Variants in CMTR1 observed in about 807,000 individuals in gnomAD.
CMTR1 encodes cap methyltransferase 1, also known as cap-specific mRNA (nucleoside-2'-O-)-methyltransferase 1.
CMTR1 carries 39 observed loss-of-function variants against 107.0 expected under a neutral mutation model. The ratio of observed to expected loss-of-function variants is 0.36; its 90% CI spans 0.28 to 0.48. The LOEUF is 0.48. CMTR1 is among the 20% of genes least tolerant of loss of function. The pLI is 0.99. For missense variants in CMTR1, 672 were observed against 1,064.9 expected, an observed-to-expected ratio of 0.63 and a Z score of 5.14; for synonymous variants, 366 against 379.5, an observed-to-expected ratio of 0.96 and a Z score of 0.41.
At chr6:37,425,309 T>TC in the CMTR1 span, among the ~76,000 whole-genome samples, 11 of 149,828 alleles carry the variant, frequency 7.3e-5, no homozygotes, top group Non-Finnish European at 1.0e-4. Context: ...CTTTTTTTTT[T>TC]TCCCCGAGAC....
At chr6:37,475,282 A>G (rs767591413) in intron 18 of CMTR1, 39 bp from the exon 19 acceptor site, 3 of 1,539,350 alleles carry the variant, frequency 1.9e-6, no homozygotes, top group Non-Finnish European at 2.7e-6. Context: ...GAAGGCTGAC[A>G]CCTGGCAGAG....
intron 2 of CMTR1, among the ~76,000 whole-genome samples, chr6:37,441,704 G>T (rs1227381889): frequency 6.6e-6 from 1 of 152,184 alleles, no homozygotes; most frequent in Non-Finnish European, 1.5e-5. Context: ...GAGCTACCGT[G>T]CCTGGACCTT....
chr6:37,476,601 C>A (rs1761742591), intron 20 of CMTR1, among the ~76,000 whole-genome samples: 2 of 141,846 alleles, frequency 1.4e-5, no homozygotes, highest in African/African-American at 5.5e-5. Context: ...GGGAATGGGA[C>A]CCCCAGTGCT....
At chr6:37,440,952 C>T (rs927299160) in intron 2 of CMTR1, among the ~76,000 whole-genome samples, 6 of 152,142 alleles carry the variant, frequency 3.9e-5, no homozygotes, top group African/African-American at 1.2e-4. Flanking sequence ...AGAAGGATAC[C>T]GGGTTTTCAG....
At chr6:37,466,843 A>G (rs1044718827) in intron 13 of CMTR1, among the ~76,000 whole-genome samples, 1 of 152,094 alleles carries the variant, frequency 6.6e-6, no homozygotes, top group Non-Finnish European at 1.5e-5. Flanking sequence ...ACGTGTATAT[A>G]TATATAATTT....
At chr6:37,432,724 T>C (rs1337604220), upstream of CMTR1, among the ~76,000 whole-genome samples, 1 of 152,190 alleles carries the variant, frequency 6.6e-6, no homozygotes, top group African/African-American at 2.4e-5. Flanking sequence ...TTTGGCCATA[T>C]TGGCCTGAAA....
chr6:37,466,333 G>A (rs1332709932), intron 13 of CMTR1, among the ~76,000 whole-genome samples: 1 of 151,872 alleles, frequency 6.6e-6, no homozygotes, highest in East Asian at 1.9e-4. Flanking sequence ...GGATGGTCTC[G>A]ATCTCTTGGC....
chr6:37,459,431 G>C, intron 9 of CMTR1, 135 bp from the exon 10 acceptor site: 2 of 726,340 alleles, frequency 2.8e-6, no homozygotes, highest in Non-Finnish European at 5.0e-6. Flanking sequence ...GTCCATCACT[G>C]TAAGGGAGCC....
Position 37,475,411 on chromosome 6 carries a change from C to T in CMTR1, c.2035C>T (p.Arg679Ter), listed in dbSNP as rs756816742. Residue 679 changes from arginine (R) to a stop codon, truncating the protein, a stop_gained and splice_region_variant, in exon 19 of 24, where the codon CGA becomes TGA. Transcript: ENST00000373451. LOFTEE classifies it high-confidence loss of function. ...CGTTCGGGAGCAGCACTTTAACCAG[C>T]GGTCTGACCTGGGCCCCAGGGTAGG... is the stretch of plus-strand genomic sequence containing the variant. ...TDVREQHFNQ[R>*]IQLAEKFVKA... The T allele has an allele frequency of 5.8e-6, 8 of 1,379,940 alleles. No individual in the cohort carries two copies. Among genetic ancestry groups the T allele is most frequent in the East Asian group, 3.0e-5 (1 of 33,684 alleles). 85.5% of individuals were successfully genotyped at this position (1,379,940 alleles called of 1,614,324 possible). A position where few individuals can be genotyped will look rare whatever the true frequency, so the allele number is the denominator to read the frequency against.
At position 37,446,403 on chromosome 6, in the gene CMTR1, G is replaced by A. The variant is rs748538599; in HGVS notation, c.398G>A (p.Arg133Gln). The part of the protein sequence containing the change: ...KGRRGLGLTL[R>Q]GFDQELNVDW... ...CGAAGAGGCTTGGGTCTGACACTCC[G>A]GGGCTTTGACCAGGAGCTGAACGTG... Residue 133 changes from arginine (R) to glutamine (Q), a missense_variant, in exon 4 of 24, where the codon CGG (arginine) becomes CAG (glutamine). By Grantham distance (43) the Arg-to-Gln change is conservative (BLOSUM62 1). Around this residue, in one of 2 missense-constraint regions of CMTR1, gnomAD observed 583 missense variants for 968.4 expected, o/e 0.60. Transcript: ENST00000373451. 1.1e-5 allele frequency: 17 copies of A among 1,613,976 alleles called. No homozygotes were observed. The highest frequency in any genetic ancestry group is 8.3e-5 in the Admixed American group (5 of 60,002).
intron 20 of CMTR1, among the ~76,000 whole-genome samples, chr6:37,477,147 T>C (rs777379868): frequency 2.0e-5 from 3 of 152,196 alleles, no homozygotes; most frequent in Non-Finnish European, 2.9e-5. Context: ...CTGTGGGTAA[T>C]AGGACTATTA....
intron 20 of CMTR1, among the ~76,000 whole-genome samples, chr6:37,476,892 A>T (rs1561793976): frequency 6.6e-6 from 1 of 152,234 alleles, no homozygotes; most frequent in African/African-American, 2.4e-5. Context: ...AGTATTGAGA[A>T]TGCACTTTAT....
chr6:37,462,470 A>C (rs1226757635), intron 12 of CMTR1, among the ~76,000 whole-genome samples: 2 of 152,184 alleles, frequency 1.3e-5, no homozygotes, highest in Non-Finnish European at 2.9e-5. Context: ...GGTGAGAGAA[A>C]ATGCAACCAA....
chr6:37,478,279 T>C (rs935959410), intron 21 of CMTR1, 130 bp from the exon 22 acceptor site: 1 of 716,638 alleles, frequency 1.4e-6, no homozygotes, highest in Admixed American at 2.2e-5. Context: ...CACTCGGCTG[T>C]GTGCCTCAGT....
At chr6:37,477,535 C>G in intron 20 of CMTR1, 57 bp from the exon 21 acceptor site, 2 of 1,533,286 alleles carry the variant, frequency 1.3e-6, no homozygotes, top group South Asian at 2.2e-5. Context: ...CAGCTGCCTC[C>G]TGGATGAGAA....
chr6:37,428,979 A>G (rs932891536), upstream of CMTR1, among the ~76,000 whole-genome samples: 14 of 152,176 alleles, frequency 9.2e-5, no homozygotes, highest in Non-Finnish European at 2.1e-4. Context: ...TATTTCTTCA[A>G]ATATTTTTTA....
Position 37,459,887 on chromosome 6 carries a change from G to A in CMTR1, c.1095+203G>A, listed in dbSNP as rs185312179. On this transcript the variant is annotated intron_variant, in intron 10 of 23. Transcript: ENST00000373451. ...ACTGATGTTGTGGATACCTTTGCCT[G>A]GAGCAGGGTGATCTTGGTGTTGCTC... Among the ~76,000 whole-genome samples the A allele has an allele frequency of 4.8e-3, 725 of 152,248 alleles. 4 individuals are homozygous for A. The highest frequency in any genetic ancestry group is 7.2e-3 in the Admixed American group (110 of 15,292).
intron 2 of CMTR1, among the ~76,000 whole-genome samples, chr6:37,443,192 C>T (rs1294096716): frequency 6.6e-6 from 1 of 152,070 alleles, no homozygotes; most frequent in African/African-American, 2.4e-5. Context: ...CTTCCAAAAG[C>T]TCTTTTTGCA....
chr6:37,460,581 T>C (rs566705651), intron 10 of CMTR1, among the ~76,000 whole-genome samples: 1 of 152,060 alleles, frequency 6.6e-6, no homozygotes, highest in East Asian at 1.9e-4. Flanking sequence ...TTGAGAAGCA[T>C]CTTTAAGTCT....
Sources: allele counts gnomAD v4.1 joint callset (sites outside exome capture counted in the v4.1 genomes callset), GRCh38; gene constraint gnomAD v4.1.1; regional missense constraint gnomAD v4.1.1; transcripts MANE v1.5; gene names NCBI Gene and HGNC (gene_info 2026-07-23, HGNC 2026-07-21).